DOK6: variants seen among roughly 807,000 people sequenced by gnomAD.
DOK6 encodes docking protein 6.
A neutral mutation model predicts 44.0 loss-of-function variants in DOK6; 22 were observed. That is an observed-to-expected ratio of 0.50 (90% confidence interval 0.36 to 0.71). The LOEUF is 0.71. DOK6 is among the 30% of genes least tolerant of loss of function. DOK6 has a pLI of 0.00. For synonymous variants in DOK6, 166 were observed against 145.5 expected, an observed-to-expected ratio of 1.14 and a Z score of -1.01; for missense variants, 340 against 416.4, an observed-to-expected ratio of 0.82 and a Z score of 1.60.
intron 1 of DOK6, among the ~76,000 whole-genome samples, chr18:69,512,949 T>C (rs1368707545): frequency 2.0e-5 from 3 of 152,218 alleles, no homozygotes; most frequent in African/African-American, 4.8e-5. Flanking sequence ...ATTTCGTTAG[T>C]GTGAATATGT....
chr18:69,758,587 T>C (rs993478393), intron 7 of DOK6, among the ~76,000 whole-genome samples: 2 of 152,162 alleles, frequency 1.3e-5, no homozygotes, highest in African/African-American at 4.8e-5. Flanking sequence ...ATAAAATATT[T>C]GATTGGCTAC....
intron 7 of DOK6, among the ~76,000 whole-genome samples, chr18:69,806,181 T>TATA (rs1981047340): frequency 6.6e-6 from 1 of 151,978 alleles, no homozygotes; most frequent in African/African-American, 2.4e-5. Flanking sequence ...CTTGTTCTAT[T>TATA]ATAATTAGTA....
At chr18:69,770,103 G>A (rs556303007) in intron 7 of DOK6, among the ~76,000 whole-genome samples, 39 of 152,110 alleles carry the variant, frequency 2.6e-4, no homozygotes, top group Middle Eastern at 3.2e-3. Flanking sequence ...TAGGAGTGGC[G>A]TTTTTATAAA....
At chr18:69,799,094 TTAAC>T (rs1980829624) in intron 7 of DOK6, among the ~76,000 whole-genome samples, 1 of 152,082 alleles carries the variant, frequency 6.6e-6, no homozygotes, top group Admixed American at 6.6e-5. Flanking sequence ...ACATTCAGCA[TTAAC>T]TGTCATCATT....
chr18:69,560,777 C>G (rs181425269), intron 1 of DOK6, among the ~76,000 whole-genome samples: 1 of 152,076 alleles, frequency 6.6e-6, no homozygotes, highest in Admixed American at 6.6e-5. Flanking sequence ...ACACTTAACA[C>G]TTAATTGTCC....
At chr18:69,513,994 A>G (rs1981447388) in intron 1 of DOK6, among the ~76,000 whole-genome samples, 1 of 152,124 alleles carries the variant, frequency 6.6e-6, no homozygotes, top group South Asian at 2.1e-4. Context: ...CTTCTTGTCA[A>G]TGCATGTAAC....
At chr18:69,432,108 A>G (rs1477143852) in intron 1 of DOK6, among the ~76,000 whole-genome samples, 1 of 152,226 alleles carries the variant, frequency 6.6e-6, no homozygotes, top group African/African-American at 2.4e-5. Context: ...ATAGTATACA[A>G]TTAGTGAGTT....
At chr18:69,568,034 G>C (rs1045871164) in intron 2 of DOK6, among the ~76,000 whole-genome samples, 1 of 152,034 alleles carries the variant, frequency 6.6e-6, no homozygotes, top group South Asian at 2.1e-4. Flanking sequence ...CTGGCTCCCC[G>C]CGGCCTGCCT....
rs377125940 is a variant in DOK6, at chr18:69,590,369, G to A, written c.175-9015G>A. 2.1e-4 allele frequency among the ~76,000 whole-genome samples: 32 copies of A among 152,232 alleles called. No homozygotes were observed. In the South Asian group the frequency reaches 6.2e-3, roughly 30 times the overall value. On this transcript the variant is annotated intron_variant, in intron 2 of 7. Coordinates refer to ENST00000382713, the MANE Select transcript of DOK6 (RefSeq NM_152721.6). ...TTATGAACTCTGTATGAGTCACTCA[G>A]GGAAGACCTGCCCATTGGTCTTGAA...
At chr18:69,758,010 G>A in intron 7 of DOK6, 137 bp downstream of exon 7, 1 of 724,884 alleles carries the variant, frequency 1.4e-6, no homozygotes, top group Non-Finnish European at 2.4e-6. Context: ...GCCACAGTGG[G>A]AGCTCTGAGA....
intron 1 of DOK6, among the ~76,000 whole-genome samples, chr18:69,484,705 C>A (rs1375830081): frequency 2.0e-5 from 3 of 152,086 alleles, no homozygotes; most frequent in African/African-American, 7.2e-5. Flanking sequence ...GAACTCACGG[C>A]CAGCAGCACT....
chr18:69,573,343 C>G (rs1454392329), intron 2 of DOK6, among the ~76,000 whole-genome samples: 1 of 151,834 alleles, frequency 6.6e-6, no homozygotes, highest in East Asian at 1.9e-4. Context: ...AAAAACTACA[C>G]AGACTTTTTA....
chr18:69,736,745 T>C (rs1978621394), intron 5 of DOK6, among the ~76,000 whole-genome samples: 2 of 152,224 alleles, frequency 1.3e-5, no homozygotes, highest in African/African-American at 4.8e-5. Context: ...ATTAGTTTTA[T>C]ATATCACAGT....
chr18:69,792,244 T>C (rs1980623017), intron 7 of DOK6, among the ~76,000 whole-genome samples: 1 of 152,094 alleles, frequency 6.6e-6, no homozygotes, highest in African/African-American at 2.4e-5. Flanking sequence ...GTATCTTTTG[T>C]AGTTTTAATA....
intron 5 of DOK6, among the ~76,000 whole-genome samples, chr18:69,717,297 A>G (rs1986905770): frequency 6.6e-6 from 1 of 152,236 alleles, no homozygotes; most frequent in Non-Finnish European, 1.5e-5. Flanking sequence ...AAAAGTATTC[A>G]TTAAGCCTAT....
intron 7 of DOK6, among the ~76,000 whole-genome samples, chr18:69,811,550 ATATATATATATATATATATATATATATC>A (rs1316023181): frequency 1.9e-3 from 35 of 18,188 alleles, no homozygotes; most frequent in South Asian, 0.013. Context: ...ATATATATAT[ATATATATATATATATATATATATATATC>A]AAAACACTAC....
intron 2 of DOK6, among the ~76,000 whole-genome samples, chr18:69,577,975 G>T (rs965608194): frequency 6.6e-6 from 1 of 152,028 alleles, no homozygotes; most frequent in African/African-American, 2.4e-5. Context: ...CTCCACAGCA[G>T]TTATGATTCA....
At chr18:69,457,623 C>G (rs911717020) in intron 1 of DOK6, among the ~76,000 whole-genome samples, 1 of 152,094 alleles carries the variant, frequency 6.6e-6, no homozygotes, top group East Asian at 1.9e-4. Flanking sequence ...TTTGGGCTCT[C>G]TTTTCATTCA....
chr18:69,754,598 T>C (rs1466592569), intron 6 of DOK6, among the ~76,000 whole-genome samples: 1 of 152,206 alleles, frequency 6.6e-6, no homozygotes, highest in Non-Finnish European at 1.5e-5. Flanking sequence ...TTCTCAGTTC[T>C]GGAGGCTGGA....
Sources: gnomAD v4.1 joint callset for allele counts (sites outside exome capture counted in the v4.1 genomes callset) on GRCh38, gnomAD v4.1.1 for gene constraint, MANE v1.5 for transcripts, NCBI Gene and HGNC (gene_info 2026-07-23, HGNC 2026-07-21) for gene names.